Variants in UGT1A8 observed in about 807,000 individuals in gnomAD.
UGT1A8 encodes the protein UDP glucuronosyltransferase family 1 member A8, also known as UDP-glucuronosyltransferase 1A8.
Under a neutral mutation model 45.3 loss-of-function variants are expected in UGT1A8, and 39 were observed. That is an observed-to-expected ratio of 0.86 (90% confidence interval 0.67 to 1.12). The LOEUF is 1.12. Among genes scored for constraint, UGT1A8 ranks in the 50% most tolerant of loss-of-function variants. UGT1A8 has a pLI of 0.00. For missense variants in UGT1A8, 719 were observed against 664.9 expected, an observed-to-expected ratio of 1.08 and a Z score of -0.90; for synonymous variants, 275 against 249.2, an observed-to-expected ratio of 1.10 and a Z score of -0.97.
At chr2:233,713,410 AC>A in intron 1 of UGT1A8, 1 of 1,614,174 alleles carries the variant, frequency 6.2e-7, no homozygotes, top group Non-Finnish European at 8.5e-7. Context: ...CTGATCAGGC[AC>A]CTGCATGCTA....
chr2:233,621,499 G>A (rs1234314585), intron 1 of UGT1A8, among the ~76,000 whole-genome samples: 1 of 152,162 alleles, frequency 6.6e-6, no homozygotes, highest in Non-Finnish European at 1.5e-5. Flanking sequence ...TCCAGTTTAA[G>A]ATCCAAATTC....
intron 1 of UGT1A8, chr2:233,719,196 A>T (rs1343607687): frequency 6.2e-7 from 1 of 1,614,214 alleles, no homozygotes; most frequent in Non-Finnish European, 8.5e-7. Flanking sequence ...GGCCCTTCAT[A>T]GGTGTTGTGT....
At chr2:233,665,014 C>T (rs1240524206) in intron 1 of UGT1A8, among the ~76,000 whole-genome samples, 1 of 152,152 alleles carries the variant, frequency 6.6e-6, no homozygotes, top group Non-Finnish European at 1.5e-5. Flanking sequence ...ATAGAAAATG[C>T]TCTTAGTAGT....
chr2:233,732,919 A>G (rs1421681108), intron 1 of UGT1A8, among the ~76,000 whole-genome samples: 1 of 151,874 alleles, frequency 6.6e-6, no homozygotes, highest in Non-Finnish European at 1.5e-5. Flanking sequence ...CATTTTCACG[A>G]TATTGATTCT....
chr2:233,760,326 G>T, intron 1 of UGT1A8: 1 of 1,614,028 alleles, frequency 6.2e-7, no homozygotes, highest in Non-Finnish European at 8.5e-7. Flanking sequence ...CACTTGTCCT[G>T]GGCCTGCTGC....
chr2:233,738,821 A>G (rs1039985874), intron 1 of UGT1A8: 3 of 152,270 alleles, frequency 2.0e-5, no homozygotes, highest in African/African-American at 7.2e-5. Context: ...AATTTGAATA[A>G]ATAAGGAGGA....
intron 1 of UGT1A8, among the ~76,000 whole-genome samples, chr2:233,677,468 A>C (rs1197575187): frequency 6.6e-6 from 1 of 152,350 alleles, no homozygotes; most frequent in Admixed American, 6.5e-5. Flanking sequence ...TACCATAAAC[A>C]GTCAATTAAC....
At chr2:233,619,212 C>A (rs1474351403) in intron 1 of UGT1A8, among the ~76,000 whole-genome samples, 1 of 152,106 alleles carries the variant, frequency 6.6e-6, no homozygotes, top group Non-Finnish European at 1.5e-5. Flanking sequence ...CTTTACCTTG[C>A]ATTTTTTATT....
chr2:233,740,218 G>C (rs908803369), intron 1 of UGT1A8, among the ~76,000 whole-genome samples: 7 of 151,840 alleles, frequency 4.6e-5, no homozygotes, highest in Non-Finnish European at 8.8e-5. Flanking sequence ...AGTCTCAGCT[G>C]CGTCTTTATA....
intron 1 of UGT1A8, among the ~76,000 whole-genome samples, chr2:233,646,785 C>T (rs373087146): frequency 2.0e-5 from 3 of 152,180 alleles, no homozygotes; most frequent in African/African-American, 4.8e-5. Flanking sequence ...CCTACATTTT[C>T]CTGTCTTCTT....
chr2:233,636,668 T>C, intron 1 of UGT1A8: 3 of 1,614,146 alleles, frequency 1.9e-6, no homozygotes, highest in Non-Finnish European at 2.5e-6. Context: ...GAGAAACTTA[T>C]CCTCAGGGGG....
chr2:233,665,153 C>A (rs774417656), intron 1 of UGT1A8, among the ~76,000 whole-genome samples: 16 of 152,126 alleles, frequency 1.1e-4, no homozygotes, highest in African/African-American at 2.7e-4. Flanking sequence ...TTGCATTTTT[C>A]ATTTGCCAAT....
intron 1 of UGT1A8, among the ~76,000 whole-genome samples, chr2:233,647,680 C>G (rs12327959): frequency 0.23 from 35,377 of 152,030 alleles, 4,686 homozygotes; most frequent in East Asian, 0.51. Context: ...TTGGCATGAA[C>G]TTGTTCATGT....
intron 1 of UGT1A8, among the ~76,000 whole-genome samples, chr2:233,708,160 C>T (rs999890937): frequency 3.3e-5 from 5 of 152,062 alleles, no homozygotes; most frequent in African/African-American, 7.2e-5. Flanking sequence ...GGGGAGTTGC[C>T]GGAAAATGGA....
rs45586035 is a variant in UGT1A8, at chr2:233,729,636, G to GT, written c.856-37390dup. 7.6e-4 allele frequency: 1,222 copies of GT among 1,613,576 alleles called. 6 individuals are homozygous for GT. The African/African-American group carries it at 1.0e-2, about 13-fold the overall frequency. On this transcript the variant is annotated intron_variant, in intron 1 of 4. Coordinates refer to ENST00000373450, the MANE Select transcript of UGT1A8 (RefSeq NM_019076.5). ...CTAAGTACCTGTCGATTCCTACTGT[G>GT]TTTTTTTTGAGGAACATTCCATGTG...
Position 233,746,504 on chromosome 2 carries a change from C to T in UGT1A8, c.856-20530C>T, listed in dbSNP as rs747424626. 1.1e-4 allele frequency among the ~76,000 whole-genome samples: 17 copies of T among 151,868 alleles called. 1 individual carries two copies. Among genetic ancestry groups the T allele is most frequent in the East Asian group, 5.8e-4 (3 of 5,180 alleles). Reference sequence around the variant, plus strand: ...CCATGGACATGTCACTCTTTAGTAGCCCCCAAAGCAAGACCATCATATTGC... The same window carrying T: ...CCATGGACATGTCACTCTTTAGTAGTCCCCAAAGCAAGACCATCATATTGC... On this transcript the variant is annotated intron_variant, in intron 1 of 4. Transcript: ENST00000373450.
chr2:233,739,170 A>G (rs1447136581), intron 1 of UGT1A8: 1 of 152,280 alleles, frequency 6.6e-6, no homozygotes, highest in Non-Finnish European at 1.5e-5. Context: ...TAGAGGATGT[A>G]AGGAAATGCT....
At chr2:233,721,865 G>T in intron 1 of UGT1A8, 1 of 504,992 alleles carries the variant, frequency 2.0e-6, no homozygotes, top group South Asian at 1.4e-5. Context: ...TCGGCCCTGG[G>T]CACACTTGCC....
intron 1 of UGT1A8, among the ~76,000 whole-genome samples, chr2:233,752,110 GAGA>G (rs1201520833): frequency 1.3e-5 from 2 of 152,210 alleles, no homozygotes; most frequent in East Asian, 1.9e-4. Flanking sequence ...AGAATCAGAG[GAGA>G]AGAAGATGAT....
Sources: gnomAD v4.1 joint callset for allele counts (sites outside exome capture counted in the v4.1 genomes callset) on GRCh38, gnomAD v4.1.1 for gene constraint, MANE v1.5 for transcripts, NCBI Gene and HGNC (gene_info 2026-07-23, HGNC 2026-07-21) for gene names.